Variants in MYPN observed in about 807,000 individuals in gnomAD.
MYPN encodes the protein sarcomeric protein myopalladin, 145 kDa (MYOP).
MYPN carries 63 observed loss-of-function variants against 129.4 expected under a neutral mutation model. That is an observed-to-expected ratio of 0.49 (90% CI 0.40 to 0.60). The LOEUF (loss-of-function observed/expected upper bound fraction) is 0.60. MYPN is among the 20% of genes least tolerant of loss of function. The pLI, the probability that MYPN is intolerant of heterozygous loss-of-function variation, is 0.00. For synonymous variants in MYPN, 629 were observed against 600.9 expected (o/e 1.05, Z -0.68); for missense variants, 1,596 against 1,635.4 (o/e 0.98, Z 0.42).
chr10:68,102,816 C>G (rs972360060), upstream of MYPN, among the ~76,000 whole-genome samples: 1 of 152,050 alleles, frequency 6.6e-6, no homozygotes, highest in Non-Finnish European at 1.5e-5. Context: ...AGATTTATCC[C>G]CAGCTAAATT....
chr10:68,158,384 T>C (rs2042916634), intron 6 of MYPN, 102 bp from the exon 7 acceptor site: 15 of 1,162,264 alleles, frequency 1.3e-5, no homozygotes, highest in Non-Finnish European at 1.9e-5. Flanking sequence ...TGGAGAAAAA[T>C]CCAAATATGG....
intron 2 of MYPN, among the ~76,000 whole-genome samples, chr10:68,131,802 G>T (rs935021205): frequency 6.6e-6 from 1 of 152,064 alleles, no homozygotes; most frequent in African/African-American, 2.4e-5. Context: ...ATTTTTTAAT[G>T]CTATTATTAA....
At chr10:68,113,645 C>T (rs989897536) in intron 1 of MYPN, among the ~76,000 whole-genome samples, 2 of 150,214 alleles carry the variant, frequency 1.3e-5, no homozygotes, top group Non-Finnish European at 2.9e-5. Flanking sequence ...TGCAGTGAGC[C>T]ATGACTGCAC....
At chr10:68,101,471 T>C (rs2041981661), upstream of MYPN, among the ~76,000 whole-genome samples, 1 of 152,216 alleles carries the variant, frequency 6.6e-6, no homozygotes. Context: ...GCTGCCTTCA[T>C]CAGTATGTAA....
At chr10:68,201,486 AC>A (rs2134308722) in intron 17 of MYPN, among the ~76,000 whole-genome samples, 1 of 152,170 alleles carries the variant, frequency 6.6e-6, no homozygotes, top group Admixed American at 6.5e-5. Context: ...ACCCTTCTCC[AC>A]CAGGCACAGT....
intron 16 of MYPN, among the ~76,000 whole-genome samples, chr10:68,198,522 A>T (rs978063674): frequency 6.6e-6 from 1 of 152,040 alleles, no homozygotes; most frequent in Non-Finnish European, 1.5e-5. Context: ...TAAAGGGTCC[A>T]CTTCTATCTG....
At chr10:68,163,515 G>A (rs1025003462) in intron 8 of MYPN, among the ~76,000 whole-genome samples, 2 of 152,048 alleles carry the variant, frequency 1.3e-5, no homozygotes, top group African/African-American at 4.8e-5. Context: ...TGTAATCCCA[G>A]CTACTCGGGA....
At chr10:68,152,511 A>C (rs1460792221) in intron 6 of MYPN, among the ~76,000 whole-genome samples, 4 of 152,140 alleles carry the variant, frequency 2.6e-5, no homozygotes, top group African/African-American at 9.7e-5. Context: ...TTTACCTTTC[A>C]ATCTCTCCCG....
intron 2 of MYPN, among the ~76,000 whole-genome samples, chr10:68,141,080 C>G (rs544983484): frequency 6.6e-6 from 1 of 151,138 alleles, no homozygotes; most frequent in Non-Finnish European, 1.5e-5. Flanking sequence ...ACCACCCCCC[C>G]AAAAAAAGGG....
chr10:68,127,930 C>T (rs1001184927), intron 2 of MYPN, among the ~76,000 whole-genome samples: 1 of 152,154 alleles, frequency 6.6e-6, no homozygotes, highest in Non-Finnish European at 1.5e-5. Flanking sequence ...GAAGCCTAAC[C>T]TATGTGCTCC....
intron 4 of MYPN, among the ~76,000 whole-genome samples, chr10:68,146,722 A>G (rs1429516592): frequency 6.6e-6 from 1 of 152,204 alleles, no homozygotes; most frequent in Non-Finnish European, 1.5e-5. Context: ...TCTTAGGCTA[A>G]AATAGAAAGA....
At chr10:68,139,305 C>T (rs1044066454) in intron 2 of MYPN, among the ~76,000 whole-genome samples, 2 of 152,152 alleles carry the variant, frequency 1.3e-5, no homozygotes, top group Non-Finnish European at 2.9e-5. Context: ...GGTTCTGCTG[C>T]ACAAATTGGC....
intron 2 of MYPN, among the ~76,000 whole-genome samples, chr10:68,142,040 T>C (rs1223127500): frequency 6.6e-6 from 1 of 152,234 alleles, no homozygotes; most frequent in Non-Finnish European, 1.5e-5. Flanking sequence ...TTTGTCATTT[T>C]GTATGTATAC....
chr10:68,199,830 A>T lies in MYPN; in HGVS notation c.3493+255A>T, dbSNP rs12266427. ...ATTGTCATCATCAGTCAATCAATCA[A>T]TCAATTAGCTGTCACTAAATTCCAG... On this transcript the variant is annotated intron_variant, in intron 17 of 19. Transcript: ENST00000358913. 2.6e-5 allele frequency among the ~76,000 whole-genome samples: 4 copies of T among 152,180 alleles called. No homozygotes were observed. The East Asian group carries it at 7.7e-4, about 29-fold the overall frequency.
intron 12 of MYPN, among the ~76,000 whole-genome samples, chr10:68,176,200 T>A (rs1280629634): frequency 6.6e-6 from 1 of 152,220 alleles, no homozygotes; most frequent in Non-Finnish European, 1.5e-5. Flanking sequence ...CCTATACAAC[T>A]CTTTGCTTTC....
At chr10:68,140,614 T>C (rs1473671861) in intron 2 of MYPN, among the ~76,000 whole-genome samples, 1 of 152,190 alleles carries the variant, frequency 6.6e-6, no homozygotes, top group East Asian at 1.9e-4. Flanking sequence ...GATGGATGAC[T>C]TATATTTGTA....
chr10:68,169,998 A>T (rs529082458), intron 10 of MYPN, among the ~76,000 whole-genome samples: 1 of 152,172 alleles, frequency 6.6e-6, no homozygotes, highest in Non-Finnish European at 1.5e-5. Flanking sequence ...TTGGCCTCCC[A>T]AAGTGCTGGG....
At chr10:68,180,918 T>C (rs2043304047) in intron 12 of MYPN, among the ~76,000 whole-genome samples, 1 of 152,210 alleles carries the variant, frequency 6.6e-6, no homozygotes, top group Non-Finnish European at 1.5e-5. Context: ...GGATTATCTT[T>C]TTTAAAAAAA....
At chr10:68,160,795 T>A (rs986863228) in intron 7 of MYPN, among the ~76,000 whole-genome samples, 2 of 152,118 alleles carry the variant, frequency 1.3e-5, no homozygotes, top group African/African-American at 4.8e-5. Flanking sequence ...CAGGTGCCTG[T>A]AGTCCCAGCT....
Sources: gnomAD v4.1 joint callset for allele counts (sites outside exome capture counted in the v4.1 genomes callset) on GRCh38, gnomAD v4.1.1 for gene constraint, MANE v1.5 for transcripts, NCBI Gene and HGNC (gene_info 2026-07-23, HGNC 2026-07-21) for gene names.